FGFRL1: variants seen among roughly 807,000 people sequenced by gnomAD.
FGFRL1 encodes the protein fibroblast growth factor receptor like 1, also known as fibroblast growth factor receptor-like 1.
FGFRL1 carries 24 observed loss-of-function variants against 36.8 expected under a neutral mutation model. The ratio of observed to expected loss-of-function variants is 0.65; its 90% confidence interval spans 0.47 to 0.92. The LOEUF is 0.92. Ranked by LOEUF, FGFRL1 falls within the 40% of genes least tolerant of loss-of-function variation. FGFRL1 has a pLI of 0.00. For synonymous variants in FGFRL1, 422 were observed against 344.1 expected, an observed-to-expected ratio of 1.23 and a Z score of -2.50; for missense variants, 785 against 753.4, an observed-to-expected ratio of 1.04 and a Z score of -0.49.
At chr4:1,020,008 G>A (rs371597611) in intron 2 of FGFRL1, among the ~76,000 whole-genome samples, 4 of 152,360 alleles carry the variant, frequency 2.6e-5, no homozygotes, top group South Asian at 2.1e-4. Flanking sequence ...CCTGGGCAAC[G>A]CCCCCTGTGC....
chr4:1,021,793 C>T (rs559502765), intron 2 of FGFRL1, among the ~76,000 whole-genome samples: 32 of 152,322 alleles, frequency 2.1e-4, no homozygotes, highest in African/African-American at 7.0e-4. Flanking sequence ...GGCCACTGTC[C>T]CCTCTGACCT....
chr4:1,022,672 C>T (rs537933570), intron 3 of FGFRL1, among the ~76,000 whole-genome samples, 197 bp downstream of exon 3: 1 of 152,320 alleles, frequency 6.6e-6, no homozygotes, highest in East Asian at 1.9e-4. Flanking sequence ...GTTCCTGTCC[C>T]CGTCAGGCTC....
At chr4:1,017,862 C>G (rs996996939) in intron 2 of FGFRL1, among the ~76,000 whole-genome samples, 22 of 152,320 alleles carry the variant, frequency 1.4e-4, no homozygotes, top group South Asian at 4.1e-4. Context: ...CCTGCATCCT[C>G]TGTACCTGCC....
upstream of FGFRL1, chr4:1,011,100 C>G (rs1158283138): frequency 3.3e-5 from 5 of 152,176 alleles, no homozygotes; most frequent in African/African-American, 1.2e-4. Flanking sequence ...CCGAAGACCC[C>G]CCGGGGCGCA....
chr4:1,024,040 CA>C lies in FGFRL1; in HGVS notation c.658del (p.Thr220ProfsTer19), dbSNP rs1716353651. 4 of 1,607,052 alleles carry C rather than the reference CA, an allele frequency of 2.5e-6. No individual in the cohort carries two copies. The highest frequency in any genetic ancestry group is 3.4e-6 in the Non-Finnish European group (4 of 1,178,618). On this transcript the variant is annotated frameshift_variant, in exon 5 of 7. Coordinates refer to ENST00000510644, the MANE Select transcript of FGFRL1 (RefSeq NM_001004356.3). LOFTEE classifies it high-confidence loss of function. The part of the protein sequence containing the change: ...NLRPEDSGKY[T>X]CRVSNRAGAI... The stretch of plus-strand genomic sequence containing the variant: ...TGCGGCCGGAGGACAGCGGCAAATA[CA>C]CCTGCCGCGTGTCGAACCGCGCGGG...
chr4:1,024,290 C>T, intron 5 of FGFRL1, 21 bp from the exon 6 acceptor site: 1 of 1,567,046 alleles, frequency 6.4e-7, no homozygotes, highest in Non-Finnish European at 8.6e-7. Context: ...GGAGCCATGC[C>T]CGCGTGCCAC....
intron 2 of FGFRL1, among the ~76,000 whole-genome samples, chr4:1,021,689 T>C (rs1249052301): frequency 6.6e-6 from 1 of 151,926 alleles, no homozygotes; most frequent in Non-Finnish European, 1.5e-5. Flanking sequence ...GGCTGGGCCC[T>C]GGGCTGATGG....
At chr4:1,013,205 C>G (rs1715701359) in intron 2 of FGFRL1, among the ~76,000 whole-genome samples, 1 of 152,258 alleles carries the variant, frequency 6.6e-6, no homozygotes, top group East Asian at 1.9e-4. Flanking sequence ...GCACCGACAT[C>G]TAAGTGGCAG....
At position 1,024,387 on chromosome 4, in the gene FGFRL1, C is replaced by T; in HGVS notation, c.795C>T (p.Ser265=). ...NTTVDFGGTT[S]FQCKVRSDVK... ...CGGTGGACTTCGGGGGGACCACGTC[C>T]TTCCAGTGCAAGGTGCGCAGCGACG... The change falls in exon 6 of 7, where the codon TCC becomes TCT. Residue 265 remains serine, a synonymous_variant. Coordinates refer to ENST00000510644, the MANE Select transcript of FGFRL1 (RefSeq NM_001004356.3). The T allele has an allele frequency of 1.2e-6, 2 of 1,612,586 alleles. No individual in the cohort carries two copies. Among genetic ancestry groups the T allele is most frequent in the Non-Finnish European group, 1.7e-6 (2 of 1,179,824 alleles).
chr4:1,022,267 G>A lies in FGFRL1; in HGVS notation c.144G>A (p.Arg48=). The change falls in exon 3 of 7, where the codon CGG becomes CGA. Residue 48 remains arginine (R), a synonymous_variant. Transcript: ENST00000510644. ...TGGCCCGGCTGGGCCGCACTGTGCG[G>A]CTGCAGTGCCCAGTGGAGGGGGACC... ...RQVARLGRTV[R]LQCPVEGDPP... The A allele has an allele frequency of 6.3e-7, 1 of 1,589,940 alleles. No homozygotes were observed. The highest frequency in any genetic ancestry group is 8.6e-7 in the Non-Finnish European group (1 of 1,169,554).
rs1172267063 is a variant in FGFRL1 at position 1,012,406 on chromosome 4, G to A, written c.-16-64G>A. On this transcript the variant is annotated intron_variant, in intron 1 of 6. Transcript: ENST00000510644. ...GCCAGACCCCTGATCCCCGCGGCCC[G>A]GGACCGGGGAGGGCGGTATCTCCCA... The A allele has an allele frequency of 3.9e-6, 6 of 1,555,026 alleles. No homozygotes were observed. The South Asian group carries it at 6.9e-5, about 18-fold the overall frequency.
chr4:1,012,263 C>T (rs1316397458), intron 1 of FGFRL1: 5 of 507,636 alleles, frequency 9.8e-6, no homozygotes, highest in Middle Eastern at 5.0e-4. Flanking sequence ...AGAGGGGGGG[C>T]GGCGGGGGAG....
intron 2 of FGFRL1, among the ~76,000 whole-genome samples, chr4:1,018,751 G>A (rs1307476979): frequency 2.6e-5 from 4 of 152,224 alleles, no homozygotes; most frequent in Non-Finnish European, 4.4e-5. Flanking sequence ...TGGGTTGGAC[G>A]CCCGTCCAGG....
intron 3 of FGFRL1, 146 bp downstream of exon 3, chr4:1,022,621 C>G: frequency 9.9e-7 from 1 of 1,007,304 alleles, no homozygotes. Flanking sequence ...CCCACCTCAG[C>G]TGGCTGCACC....
In FGFRL1 at chr4:1,025,694, A is replaced by C; in HGVS notation, c.*347A>C. The stretch of plus-strand genomic sequence containing the variant: ...ATACAAGGACATGCTGCCTGAACAT[A>C]CACACGCACACCCATGCGCAGATGT... On this transcript the variant is annotated 3_prime_UTR_variant, in exon 7 of 7. Coordinates refer to ENST00000510644, the MANE Select transcript of FGFRL1 (RefSeq NM_001004356.3). 1 of 389,928 alleles carries C rather than the reference A, an allele frequency of 2.6e-6. No homozygotes were observed. The allele number at this position is 389,928 out of a possible 1,614,324, so 24.2% of individuals were successfully genotyped here.
chr4:1,020,039 C>T (rs1420671051), intron 2 of FGFRL1, among the ~76,000 whole-genome samples: 1 of 152,248 alleles, frequency 6.6e-6, no homozygotes, highest in East Asian at 1.9e-4. Context: ...GATTGGGAGG[C>T]CTCCAGAGAG....
chr4:1,019,661 G>C (rs1411600676), intron 2 of FGFRL1, among the ~76,000 whole-genome samples: 1 of 152,146 alleles, frequency 6.6e-6, no homozygotes, highest in Non-Finnish European at 1.5e-5. Flanking sequence ...ACCACACTGA[G>C]GGGGTGGTGG....
intron 2 of FGFRL1, among the ~76,000 whole-genome samples, chr4:1,014,778 C>G (rs916811885): frequency 2.6e-5 from 4 of 152,304 alleles, no homozygotes; most frequent in South Asian, 2.1e-4. Flanking sequence ...GGAGCTGGGC[C>G]CAGCCCCTGC....
At position 1,025,617 on chromosome 4, in the gene FGFRL1, C is replaced by T. The variant is rs1716478321; in HGVS notation, c.*270C>T. 3 of 556,206 alleles carry T rather than the reference C, an allele frequency of 5.4e-6. No homozygotes were observed. Among genetic ancestry groups the T allele is most frequent in the South Asian group, 2.3e-5 (1 of 43,974 alleles). The allele number at this position is 556,206 out of a possible 1,614,324, so 34.5% of individuals were successfully genotyped here. A position where few individuals can be genotyped will look rare whatever the true frequency, so the allele number is the denominator to read the frequency against. On this transcript the variant is annotated 3_prime_UTR_variant, in exon 7 of 7. Transcript: ENST00000510644. ...CACATGCACAGATATGCCGCCTGGGCACACAGATAAGCTGCCCAAATGCAC... is the reference window on the plus strand; with the variant it reads ...CACATGCACAGATATGCCGCCTGGGTACACAGATAAGCTGCCCAAATGCAC...
Sources: allele counts gnomAD v4.1 joint callset (sites outside exome capture counted in the v4.1 genomes callset), GRCh38; gene constraint gnomAD v4.1.1; transcripts MANE v1.5; gene names NCBI Gene and HGNC (gene_info 2026-07-23, HGNC 2026-07-21).